PSMF1: variants seen among roughly 807,000 people sequenced by gnomAD.
PSMF1 encodes the protein proteasome inhibitor subunit 1, also known as proteasome inhibitor PI31 subunit.
PSMF1 carries 30 observed loss-of-function variants against 29.3 expected under a neutral mutation model. The observed-to-expected ratio is 1.02, with a 90% confidence interval of 0.77 to 1.39. The LOEUF is 1.39. Ranked by LOEUF, PSMF1 falls within the 40% of genes most tolerant of loss-of-function variation. The probability of loss-of-function intolerance (pLI) is 0.00; values close to 1 mark genes in which losing one functional copy is unlikely to be tolerated. For missense variants in PSMF1, 344 were observed against 357.5 expected (o/e 0.96, Z 0.31); for synonymous variants, 134 against 139.7 (o/e 0.96, Z 0.29).
intron 4 of PSMF1, among the ~76,000 whole-genome samples, chr20:1,135,886 A>C (rs1378787264): frequency 6.6e-6 from 1 of 152,168 alleles, no homozygotes; most frequent in East Asian, 1.9e-4. Flanking sequence ...GCTCAGAGGG[A>C]GGAGACAAGG....
chr20:1,165,707 T>C lies in PSMF1; in HGVS notation c.*627T>C. ...AATCCCATAGGCCACAAGAATGACT[T>C]TCACAAGGGCAGGAACATTGTGGAA... On this transcript the variant is annotated 3_prime_UTR_variant, in exon 7 of 7. Transcript: ENST00000335877. 2 of 1,000,894 alleles carry C rather than the reference T, an allele frequency of 2.0e-6. No homozygotes were observed. The highest frequency in any genetic ancestry group is 2.4e-6 in the Non-Finnish European group (2 of 838,456). 62.0% of individuals were successfully genotyped at this position (1,000,894 alleles called of 1,614,324 possible).
At position 1,166,322 on chromosome 20, in the gene PSMF1, T is replaced by TA; in HGVS notation, c.*1243dup. On this transcript the variant is annotated 3_prime_UTR_variant, in exon 7 of 7. Transcript: ENST00000335877. ...GCTAAGAGGCACGAGATCAAGGCGG[T>TA]AGTCACTTCCGCTCTGCAGCTAGCA... The TA allele has an allele frequency of 6.8e-7, 1 of 1,474,550 alleles. No homozygotes were observed. The highest frequency in any genetic ancestry group is 9.4e-7 in the Non-Finnish European group (1 of 1,060,296). The allele number at this position is 1,474,550 out of a possible 1,614,324, so 91.3% of individuals were successfully genotyped here.
At chr20:1,149,454 A>G (rs935563596) in intron 4 of PSMF1, among the ~76,000 whole-genome samples, 1 of 152,250 alleles carries the variant, frequency 6.6e-6, no homozygotes, top group African/African-American at 2.4e-5. Context: ...CAAAGTTGAC[A>G]CATCTTATTA....
chr20:1,149,463 T>C (rs912705592), intron 4 of PSMF1, among the ~76,000 whole-genome samples: 1 of 152,240 alleles, frequency 6.6e-6, no homozygotes, highest in Non-Finnish European at 1.5e-5. Context: ...CACATCTTAT[T>C]ATACAATATC....
rs750187501 is a variant in PSMF1 at position 1,168,582 on chromosome 20, G to T, written c.*3502G>T. Among the ~76,000 whole-genome samples the T allele has an allele frequency of 5.9e-5, 9 of 152,206 alleles. No homozygotes were observed. The highest frequency in any genetic ancestry group is 1.3e-4 in the Non-Finnish European group (9 of 68,044). Reference sequence around the variant, plus strand: ...GAGTCTCTTGAGACTGAAACTCCAAGAATGTATTGTGCTCACAGTGGCGAT... The same window carrying T: ...GAGTCTCTTGAGACTGAAACTCCAATAATGTATTGTGCTCACAGTGGCGAT... On this transcript the variant is annotated 3_prime_UTR_variant, in exon 7 of 7. Transcript: ENST00000335877.
At position 1,165,501 on chromosome 20, in the gene PSMF1, G is replaced by A. The variant is rs1568485530; in HGVS notation, c.*421G>A. 44 of 1,014,888 alleles carry A rather than the reference G, an allele frequency of 4.3e-5. No homozygotes were observed. The highest frequency in any genetic ancestry group is 5.2e-5 in the Non-Finnish European group (44 of 848,444). 62.9% of individuals were successfully genotyped at this position (1,014,888 alleles called of 1,614,324 possible). Reference sequence around the variant, plus strand: ...TTCCCACTTTTCTTTTTACATTAATGCATAGCTGCTTCCATTTATGAGACT... The same window carrying A: ...TTCCCACTTTTCTTTTTACATTAATACATAGCTGCTTCCATTTATGAGACT... On this transcript the variant is annotated 3_prime_UTR_variant, in exon 7 of 7. Transcript: ENST00000335877.
intron 4 of PSMF1, among the ~76,000 whole-genome samples, chr20:1,141,107 A>C (rs1198945446): frequency 1.3e-5 from 2 of 152,336 alleles, no homozygotes; most frequent in East Asian, 1.9e-4. Context: ...TTTATGTGAA[A>C]TGTCCAGAAT....
intron 4 of PSMF1, among the ~76,000 whole-genome samples, chr20:1,145,507 A>G (rs954110050): frequency 2.6e-5 from 4 of 152,196 alleles, no homozygotes; most frequent in African/African-American, 9.6e-5. Context: ...TAGGGCAGAA[A>G]GGGCATCTTA....
At chr20:1,114,263 G>A (rs905472682), upstream of PSMF1, among the ~76,000 whole-genome samples, 7 of 152,224 alleles carry the variant, frequency 4.6e-5, no homozygotes, top group South Asian at 6.2e-4. Context: ...CCAGTTGCCC[G>A]TAGAGGTAAC....
intron 1 of PSMF1, among the ~76,000 whole-genome samples, chr20:1,124,809 A>G (rs943637589): frequency 2.0e-5 from 3 of 152,262 alleles, no homozygotes; most frequent in Admixed American, 6.5e-5. Context: ...TAAAATTCAA[A>G]AACATTTGAA....
At chr20:1,132,604 A>G (rs2022613441) in intron 3 of PSMF1, among the ~76,000 whole-genome samples, 1 of 152,142 alleles carries the variant, frequency 6.6e-6, no homozygotes, top group Non-Finnish European at 1.5e-5. Context: ...ACTTTAGAGT[A>G]AGCTTGTGTA....
chr20:1,124,759 C>T (rs2086132987), intron 1 of PSMF1, among the ~76,000 whole-genome samples: 1 of 152,104 alleles, frequency 6.6e-6, no homozygotes, highest in Non-Finnish European at 1.5e-5. Context: ...CAAAAACTAT[C>T]AAATAAAAAA....
intron 2 of PSMF1, 171 bp downstream of exon 2, chr20:1,125,821 C>A: frequency 2.2e-6 from 2 of 901,726 alleles, no homozygotes; most frequent in Non-Finnish European, 3.5e-6. Flanking sequence ...AGAAAACCTT[C>A]GTGCACAAAG....
chr20:1,147,929 T>C (rs1256978195), intron 4 of PSMF1, among the ~76,000 whole-genome samples: 1 of 152,186 alleles, frequency 6.6e-6, no homozygotes, highest in Non-Finnish European at 1.5e-5. Flanking sequence ...CTGCAGAGTA[T>C]TAATTATCCC....
Position 1,135,236 on chromosome 20 carries a change from G to A in PSMF1, c.481G>A (p.Ala161Thr), listed in dbSNP as rs1426571945. The change falls in exon 4 of 7, where the codon GCT becomes ACT. Residue 161 changes from alanine to threonine, a missense_variant. Physicochemically the swap from Ala to Thr is moderately conservative, Grantham distance 58 (BLOSUM62 0). Transcript: ENST00000335877. ...VSSPHREFPP[A>T]TAREVDPLRI... ...CAGTCCCCACCGGGAGTTCCCCCCTGCTACCGCCAGAGAGGTGGACCCACT... is the reference window on the plus strand; with the variant it reads ...CAGTCCCCACCGGGAGTTCCCCCCTACTACCGCCAGAGAGGTGGACCCACT... The A allele has an allele frequency of 1.2e-6, 2 of 1,614,050 alleles. No homozygotes were observed. Among genetic ancestry groups the A allele is most frequent in the South Asian group, 1.1e-5 (1 of 91,066 alleles).
intron 1 of PSMF1, among the ~76,000 whole-genome samples, chr20:1,119,958 AT>A (rs1203314085): frequency 6.8e-6 from 1 of 148,056 alleles, no homozygotes; most frequent in African/African-American, 2.5e-5. Context: ...TCCTCTAATC[AT>A]TTTTTTTAGC....
intron 3 of PSMF1, 32 bp downstream of exon 3, chr20:1,127,540 A>G (rs1568465984): frequency 6.6e-7 from 1 of 1,519,766 alleles, no homozygotes; most frequent in East Asian, 2.3e-5. Flanking sequence ...TCCCTGGGAA[A>G]AAGAAGAGAG....
intron 4 of PSMF1, among the ~76,000 whole-genome samples, chr20:1,139,028 A>G (rs1396258599): frequency 1.3e-5 from 2 of 151,684 alleles, no homozygotes; most frequent in Non-Finnish European, 2.9e-5. Flanking sequence ...ATATATAAAT[A>G]ATCTGGGCAT....
chr20:1,166,519 A>G lies in PSMF1; in HGVS notation c.*1439A>G, dbSNP rs1396076123. On this transcript the variant is annotated 3_prime_UTR_variant, in exon 7 of 7. Coordinates refer to ENST00000335877, the MANE Select transcript of PSMF1 (RefSeq NM_006814.5). The stretch of plus-strand genomic sequence containing the variant: ...ATCTGCTTAGCCTGAGAACAGGTAG[A>G]TGAAAACTAAACTGATGCCTAGGCC... 4 of 510,488 alleles carry G rather than the reference A, an allele frequency of 7.8e-6. No individual in the cohort carries two copies. Among genetic ancestry groups the G allele is most frequent in the Non-Finnish European group, 1.4e-5 (4 of 280,760 alleles). 31.6% of individuals were successfully genotyped at this position (510,488 alleles called of 1,614,324 possible).
Sources: gnomAD v4.1 joint callset for allele counts (sites outside exome capture counted in the v4.1 genomes callset) on GRCh38, gnomAD v4.1.1 for gene constraint, MANE v1.5 for transcripts, NCBI Gene and HGNC (gene_info 2026-07-23, HGNC 2026-07-21) for gene names.